NGLY1: variants seen among roughly 807,000 people sequenced by gnomAD.
NGLY1 encodes peptide-N(4)-(N-acetyl-beta-glucosaminyl)asparagine amidase.
A neutral mutation model predicts 84.6 loss-of-function variants in NGLY1; 68 were observed. The ratio of observed to expected loss-of-function variants is 0.80; its 90% CI spans 0.66 to 0.98. The LOEUF (loss-of-function observed/expected upper bound fraction) is 0.98, where lower values mean the gene tolerates loss of function less well. Ranked by LOEUF, NGLY1 falls within the 50% of genes least tolerant of loss-of-function variation. NGLY1 has a pLI of 0.00. For missense variants in NGLY1, 779 were observed against 770.2 expected (o/e 1.01, Z -0.14); for synonymous variants, 280 against 275.2 (o/e 1.02, Z -0.17).
chr3:25,778,539 T>C, intron 2 of NGLY1, 35 bp downstream of exon 2: 4 of 1,224,222 alleles, frequency 3.3e-6, no homozygotes, highest in Non-Finnish European at 3.5e-6. Flanking sequence ...GCTTTGTGCA[T>C]GAAGAGGGGA....
intron 2 of NGLY1, among the ~76,000 whole-genome samples, chr3:25,769,645 CA>C: frequency 6.6e-6 from 1 of 151,952 alleles, no homozygotes; most frequent in Non-Finnish European, 1.5e-5. Context: ...GAAGTTTCCT[CA>C]AAAAAACTAA....
chr3:25,763,232 A>G (rs898642924), intron 3 of NGLY1, among the ~76,000 whole-genome samples: 1 of 152,246 alleles, frequency 6.6e-6, no homozygotes, highest in Non-Finnish European at 1.5e-5. Flanking sequence ...CCCAGGAAAG[A>G]GATATTTTGT....
At chr3:25,746,000 T>C (rs1287965801) in intron 4 of NGLY1, among the ~76,000 whole-genome samples, 2 of 152,250 alleles carry the variant, frequency 1.3e-5, no homozygotes, top group African/African-American at 4.8e-5. Context: ...TTTCAAACCT[T>C]ATTAGAAATA....
chr3:25,749,830 A>G (rs1706637084), intron 4 of NGLY1: 5 of 1,132,252 alleles, frequency 4.4e-6, no homozygotes, highest in South Asian at 3.7e-5. Flanking sequence ...TCATGGAAAG[A>G]GCCACCCAGC....
At chr3:25,781,042 T>C (rs1708392425) in intron 1 of NGLY1, among the ~76,000 whole-genome samples, 1 of 152,120 alleles carries the variant, frequency 6.6e-6, no homozygotes, top group Non-Finnish European at 1.5e-5. Flanking sequence ...GGCATGATTA[T>C]GGGCTCAAGC....
intron 2 of NGLY1, among the ~76,000 whole-genome samples, chr3:25,766,984 TTAA>T (rs1212958978): frequency 1.3e-5 from 2 of 152,140 alleles, no homozygotes; most frequent in Admixed American, 1.3e-4. Context: ...TGCACTAGAT[TTAA>T]TAATATTTTA....
intron 10 of NGLY1, among the ~76,000 whole-genome samples, chr3:25,725,223 T>A (rs1705190129): frequency 6.6e-6 from 1 of 152,052 alleles, no homozygotes; most frequent in African/African-American, 2.4e-5. Context: ...GTTATGAAAA[T>A]CCAATGAAGT....
chr3:25,766,026 C>T (rs2125294012), intron 2 of NGLY1, among the ~76,000 whole-genome samples: 1 of 152,028 alleles, frequency 6.6e-6, no homozygotes, highest in East Asian at 1.9e-4. Context: ...TACATCATCT[C>T]AAGTAATACA....
Position 25,729,170 on chromosome 3 carries a change from T to G in NGLY1, c.1574A>C (p.Glu525Ala). The change falls in exon 10 of 12, where the codon GAA (glutamate) becomes GCA (alanine). Residue 525 changes from glutamate to alanine, a missense_variant. Coordinates refer to ENST00000280700, the MANE Select transcript of NGLY1 (RefSeq NM_018297.4). The stretch of plus-strand genomic sequence containing the variant: ...TGTTTCAACTTTTCTGAATATAGAT[T>G]CCATTTTCCACACGCCATTCTCCCA... Reference protein sequence around the residue: ...SGWENGVWKMESIFRKVETDW... With the variant: ...SGWENGVWKMASIFRKVETDW... 1 of 1,542,582 alleles carries G rather than the reference T, an allele frequency of 6.5e-7. No homozygotes were observed. Among genetic ancestry groups the G allele is most frequent in the Non-Finnish European group, 8.8e-7 (1 of 1,140,574 alleles).
At position 25,733,894 on chromosome 3, in the gene NGLY1, G is replaced by A. The variant is rs1261124515; in HGVS notation, c.1238C>T (p.Thr413Ile). ...TACCTGCTTATTAAGCCCATTAATA[G>A]TGTCTCGAAGTAATGCTTCTTTAAC... ...TKVKEALLRDTINGLNKQRQL... is the reference protein window; with the variant it reads ...TKVKEALLRDIINGLNKQRQL... Residue 413 changes from threonine to isoleucine, a missense_variant, in exon 8 of 12, where the codon ACT becomes ATT. Physicochemically the swap from Thr to Ile is moderately conservative, Grantham distance 89 (BLOSUM62 -1). Transcript: ENST00000280700. The A allele has an allele frequency of 1.2e-6, 2 of 1,613,326 alleles. No homozygotes were observed. The highest frequency in any genetic ancestry group is 1.1e-5 in the South Asian group (1 of 90,988).
At chr3:25,762,566 T>C (rs536054631) in intron 3 of NGLY1, among the ~76,000 whole-genome samples, 1 of 152,278 alleles carries the variant, frequency 6.6e-6, no homozygotes, top group South Asian at 2.1e-4. Context: ...GCCAACAGAA[T>C]GACATTCTGT....
chr3:25,767,796 T>C (rs950071840), intron 2 of NGLY1, among the ~76,000 whole-genome samples: 1 of 152,136 alleles, frequency 6.6e-6, no homozygotes, highest in African/African-American at 2.4e-5. Context: ...ATCTGTATCT[T>C]ACCATATACA....
chr3:25,789,713 A>G, intron 1 of NGLY1: 3 of 977,080 alleles, frequency 3.1e-6, no homozygotes, highest in Non-Finnish European at 3.1e-6. Context: ...TGCGAGCTAT[A>G]GCAATAACTT....
At position 25,749,911 on chromosome 3, in the gene NGLY1, T is replaced by G; in HGVS notation, c.658+1187A>C. 16 of 736,000 alleles carry G rather than the reference T, an allele frequency of 2.2e-5. No individual in the cohort carries two copies. In the South Asian group the frequency reaches 2.4e-4, roughly 11 times the overall value. The allele number at this position is 736,000 out of a possible 1,614,324, so 45.6% of individuals were successfully genotyped here. On this transcript the variant is annotated intron_variant, in intron 4 of 11. Transcript: ENST00000280700. ...AAAATGAGTAGACAGCTCATGTGCA[T>G]GTTTTGTGTTTAAATAAAACTGTAA...
At chr3:25,732,113 C>T (rs1416782099) in intron 9 of NGLY1, among the ~76,000 whole-genome samples, 2 of 152,082 alleles carry the variant, frequency 1.3e-5, no homozygotes, top group African/African-American at 2.4e-5. Context: ...AATTTTAAGT[C>T]CCATTTTAAA....
At chr3:25,740,199 G>A (rs1013546705) in intron 4 of NGLY1, among the ~76,000 whole-genome samples, 2 of 152,110 alleles carry the variant, frequency 1.3e-5, no homozygotes, top group African/African-American at 4.8e-5. Context: ...ATATACACAA[G>A]TAAACATGAA....
intron 2 of NGLY1, 55 bp from the exon 3 acceptor site, chr3:25,764,366 T>G (rs1375285104): frequency 6.4e-7 from 1 of 1,551,754 alleles, no homozygotes; most frequent in Non-Finnish European, 8.8e-7. Context: ...CAGTCATTCT[T>G]TTGTGCACAC....
chr3:25,752,864 G>A (rs980355770), intron 3 of NGLY1, among the ~76,000 whole-genome samples: 3 of 151,622 alleles, frequency 2.0e-5, no homozygotes, highest in African/African-American at 7.3e-5. Context: ...AGCATAGATG[G>A]TGTCAAACGG....
Position 25,739,579 on chromosome 3 carries a change from T to C in NGLY1, c.879A>G (p.Pro293=), listed in dbSNP as rs768233891. 1.2e-6 allele frequency: 2 copies of C among 1,613,978 alleles called. No individual in the cohort carries two copies. The highest frequency in any genetic ancestry group is 1.7e-6 in the Non-Finnish European group (2 of 1,179,912). The part of the protein sequence containing the change: ...CDACQFSNRF[P]RYNNPEKLLE... ...ATTTTACCATCCAGGGCACCCACCT[T>C]GGGAATCGATTGCTGAACTGGCAGG... is the stretch of plus-strand genomic sequence containing the variant. Residue 293 remains proline (P), a splice_region_variant and synonymous_variant, in exon 5 of 12, where the codon CCA becomes CCG. Coordinates refer to ENST00000280700, the MANE Select transcript of NGLY1 (RefSeq NM_018297.4).
Sources: allele counts gnomAD v4.1 joint callset (sites outside exome capture counted in the v4.1 genomes callset), GRCh38; gene constraint gnomAD v4.1.1; transcripts MANE v1.5; gene names NCBI Gene and HGNC (gene_info 2026-07-23, HGNC 2026-07-21).